The following PDE4D variants were observed in gnomAD, a reference collection of about 807,000 sequenced individuals.
PDE4D encodes the protein 3',5'-cyclic-AMP phosphodiesterase 4D.
A neutral mutation model predicts 87.4 loss-of-function variants in PDE4D; 24 were observed. The observed-to-expected ratio is 0.27, with a 90% CI of 0.20 to 0.39. The LOEUF (loss-of-function observed/expected upper bound fraction) is 0.39, where lower values mean the gene tolerates loss of function less well. Ranked by LOEUF, PDE4D falls within the 10% of genes least tolerant of loss-of-function variation. PDE4D has a pLI of 1.00. For missense variants in PDE4D, 714 were observed against 1,041.0 expected (o/e 0.69, Z 4.32); for synonymous variants, 384 against 383.2 (o/e 1.00, Z -0.02).
chr5:59,892,608 G>C (rs1751119688), intron 1 of PDE4D, among the ~76,000 whole-genome samples: 1 of 152,012 alleles, frequency 6.6e-6, no homozygotes, highest in South Asian at 2.1e-4. Flanking sequence ...TCCACCTGAC[G>C]AAGAGAAATG....
intron 1 of PDE4D, among the ~76,000 whole-genome samples, chr5:59,241,966 TTAAG>T (rs1229926359): frequency 1.3e-5 from 2 of 152,228 alleles, no homozygotes; most frequent in African/African-American, 4.8e-5. Flanking sequence ...AAAAGCTTAG[TTAAG>T]TGACTTTAAT....
intron 1 of PDE4D, among the ~76,000 whole-genome samples, chr5:59,608,404 C>G (rs912299802): frequency 6.6e-6 from 1 of 152,104 alleles, no homozygotes; most frequent in African/African-American, 2.4e-5. Flanking sequence ...GTATAACAAC[C>G]ACCTAAACAC....
chr5:60,033,897 G>GA (rs1408140227), intron 2 of PDE4D, among the ~76,000 whole-genome samples: 5 of 152,174 alleles, frequency 3.3e-5, no homozygotes, highest in Admixed American at 3.3e-4. Flanking sequence ...ATATTGCTAA[G>GA]ACATAGTTCC....
In PDE4D at chr5:60,220,520, T is replaced by C. The variant is rs144638953; in HGVS notation, c.-89-34833A>G. On this transcript the variant is annotated intron_variant, in intron 1 of 16. Coordinates refer to the PDE4D transcript ENST00000502484. ...CTGATTTTATTGGTCTAGTAAGGCC[T>C]AGATATTGGAGATTTTTACATTCTC... 9.2e-5 allele frequency among the ~76,000 whole-genome samples: 14 copies of C among 152,274 alleles called. No individual in the cohort carries two copies. The East Asian group carries it at 2.7e-3, about 30-fold the overall frequency.
intron 1 of PDE4D, among the ~76,000 whole-genome samples, chr5:59,286,915 T>G (rs929772461): frequency 1.3e-5 from 1 of 79,618 alleles, no homozygotes; most frequent in East Asian, 4.6e-4. Flanking sequence ...TTTCTTTGGA[T>G]GTATATTTTC....
At chr5:59,245,435 A>C (rs956684250) in intron 1 of PDE4D, among the ~76,000 whole-genome samples, 1 of 152,200 alleles carries the variant, frequency 6.6e-6, no homozygotes, top group Non-Finnish European at 1.5e-5. Flanking sequence ...GCTCACAGAC[A>C]TGAAGGCAGC....
chr5:59,397,926 A>G (rs1789795671), intron 1 of PDE4D, among the ~76,000 whole-genome samples: 1 of 121,300 alleles, frequency 8.2e-6, no homozygotes. Context: ...AGAAATACAA[A>G]CTACCATCAG....
intron 1 of PDE4D, among the ~76,000 whole-genome samples, chr5:59,770,584 G>GCAAAA (rs888578958): frequency 2.6e-5 from 4 of 152,074 alleles, no homozygotes; most frequent in African/African-American, 4.8e-5. Context: ...TTAGTTTTGT[G>GCAAAA]CAAAACAAAA....
chr5:59,559,214 T>C (rs1819510310), intron 1 of PDE4D, among the ~76,000 whole-genome samples: 1 of 152,218 alleles, frequency 6.6e-6, no homozygotes, highest in African/African-American at 2.4e-5. Context: ...TATTAAATTA[T>C]TAAATTTTGC....
At chr5:60,239,939 G>A (rs964713532) in intron 1 of PDE4D, among the ~76,000 whole-genome samples, 2 of 151,800 alleles carry the variant, frequency 1.3e-5, no homozygotes, top group Admixed American at 6.6e-5. Flanking sequence ...CTACAATGCT[G>A]GCTAGAACAA....
At chr5:59,877,584 C>T (rs1180466585) in intron 1 of PDE4D, among the ~76,000 whole-genome samples, 1 of 151,302 alleles carries the variant, frequency 6.6e-6, no homozygotes, top group Non-Finnish European at 1.5e-5. Context: ...GGAGGCGGAG[C>T]TTGAGCCCAG....
At chr5:59,235,833 T>C (rs753384694) in intron 1 of PDE4D, among the ~76,000 whole-genome samples, 5 of 152,126 alleles carry the variant, frequency 3.3e-5, no homozygotes, top group South Asian at 2.1e-4. Context: ...CCTAACAATA[T>C]TGTAATGCTT....
intron 1 of PDE4D, among the ~76,000 whole-genome samples, chr5:60,518,078 G>T (rs1750878683): frequency 6.6e-6 from 1 of 152,236 alleles, no homozygotes; most frequent in South Asian, 2.1e-4. Context: ...GCCATCTGTG[G>T]TACACCTGGT....
intron 2 of PDE4D, among the ~76,000 whole-genome samples, chr5:60,184,329 T>C (rs973183486): frequency 2.6e-5 from 4 of 152,176 alleles, no homozygotes; most frequent in African/African-American, 9.7e-5. Flanking sequence ...ATTTAATTTA[T>C]AATAAGAAAA....
chr5:59,797,366 G>C (rs1766609136), intron 1 of PDE4D, among the ~76,000 whole-genome samples: 1 of 152,210 alleles, frequency 6.6e-6, no homozygotes, highest in African/African-American at 2.4e-5. Context: ...CAGTTCACAA[G>C]AGTGCCACCA....
intron 1 of PDE4D, among the ~76,000 whole-genome samples, chr5:59,845,704 G>A (rs1164943633): frequency 6.6e-6 from 1 of 151,996 alleles, no homozygotes; most frequent in Non-Finnish European, 1.5e-5. Context: ...AAATTTCATC[G>A]AATAATTCAT....
At chr5:60,270,518 T>C (rs891619085) in intron 1 of PDE4D, among the ~76,000 whole-genome samples, 2 of 152,228 alleles carry the variant, frequency 1.3e-5, no homozygotes, top group Non-Finnish European at 2.9e-5. Flanking sequence ...TTATCTCTAT[T>C]GTTTTATTTT....
intron 2 of PDE4D, among the ~76,000 whole-genome samples, chr5:60,020,383 T>A (rs1765924303): frequency 1.3e-5 from 2 of 152,256 alleles, no homozygotes; most frequent in Non-Finnish European, 2.9e-5. Context: ...AATACACTTG[T>A]TAGATGTAGA....
intron 1 of PDE4D, among the ~76,000 whole-genome samples, chr5:59,551,916 T>C (rs945574210): frequency 6.6e-6 from 1 of 152,122 alleles, no homozygotes; most frequent in African/African-American, 2.4e-5. Context: ...TAGAATCTTG[T>C]GCTATTTAAA....
Sources: allele counts gnomAD v4.1 joint callset (sites outside exome capture counted in the v4.1 genomes callset), GRCh38; gene constraint gnomAD v4.1.1; transcripts MANE v1.5; gene names NCBI Gene and HGNC (gene_info 2026-07-23, HGNC 2026-07-21).